PATJ: variants seen among roughly 807,000 people sequenced by gnomAD.
PATJ encodes PATJ crumbs cell polarity complex component, also known as inaD-like protein.
Under a neutral mutation model 224.9 loss-of-function variants are expected in PATJ, and 190 were observed. That is an observed-to-expected ratio of 0.84 (90% CI 0.75 to 0.95). The LOEUF is 0.95. Among genes scored for constraint, PATJ ranks in the 40% least tolerant of loss-of-function variants. PATJ has a pLI of 0.00. For synonymous variants in PATJ, 769 were observed against 820.3 expected (o/e 0.94, Z 1.07); for missense variants, 2,121 against 2,270.3 (o/e 0.93, Z 1.34).
chr1:61,825,943 A>C (rs563502064), intron 15 of PATJ, among the ~76,000 whole-genome samples: 9 of 152,278 alleles, frequency 5.9e-5, no homozygotes, highest in South Asian at 4.2e-4. Flanking sequence ...ACCAGTTGAA[A>C]TCATGGATAC....
chr1:62,073,002 T>C, intron 31 of PATJ: 1 of 982,650 alleles, frequency 1.0e-6, no homozygotes, highest in Non-Finnish European at 1.2e-6. Context: ...GCTAATTGGT[T>C]GTGTCTTTTA....
intron 27 of PATJ, among the ~76,000 whole-genome samples, chr1:61,971,913 C>CG (rs1343040282): frequency 6.6e-6 from 1 of 150,414 alleles, no homozygotes; most frequent in Non-Finnish European, 1.5e-5. Flanking sequence ...CACTTGAACA[C>CG]GGGAGGTTGA....
chr1:61,871,459 A>ATATATATGTATATACATATATATGTG lies in PATJ; in HGVS notation c.2836-3769_2836-3744dup, dbSNP rs1666487064. Among the ~76,000 whole-genome samples the ATATATATGTATATACATATATATGTG allele has an allele frequency of 1.6e-4, 9 of 56,000 alleles. No homozygotes were observed. In the South Asian group the frequency reaches 3.7e-3, roughly 23 times the overall value. The allele number at this position is 56,000 out of a possible 152,430, so 36.7% of individuals were successfully genotyped here. A position where few individuals can be genotyped will look rare whatever the true frequency, so the allele number is the denominator to read the frequency against. ...TGTGTATATACACATATATATGCGTATATATATGTATATACATATATATGT... is the reference window on the plus strand; with the variant it reads ...TGTGTATATACACATATATATGCGTATATATATGTATATACATATATATGTGTATATATGTATATACATATATATGT... On this transcript the variant is annotated intron_variant, in intron 20 of 43. Transcript: ENST00000642238.
At chr1:62,059,343 C>G (rs1445162262) in intron 31 of PATJ, among the ~76,000 whole-genome samples, 9 of 151,932 alleles carry the variant, frequency 5.9e-5, no homozygotes, top group Non-Finnish European at 1.0e-4. Context: ...TCGGTTAGGC[C>G]CAGCATGGTT....
At chr1:61,800,763 T>C (rs1224232911) in intron 11 of PATJ, among the ~76,000 whole-genome samples, 3 of 152,052 alleles carry the variant, frequency 2.0e-5, no homozygotes, top group Non-Finnish European at 4.4e-5. Context: ...CGGTGTGTGA[T>C]GTTCCCCACC....
At position 62,121,276 on chromosome 1, in the gene PATJ, T is replaced by G. The variant is rs746584689; in HGVS notation, c.4986T>G (p.Asp1662Glu). 1 of 1,612,642 alleles carries G rather than the reference T, an allele frequency of 6.2e-7. No individual in the cohort carries two copies. The highest frequency in any genetic ancestry group is 1.7e-5 in the Admixed American group (1 of 59,914). The stretch of plus-strand genomic sequence containing the variant: ...TGGTTGGCACAAAAAGAGTTTCAGA[T>G]CCTTCCCAGAAAAATTCAGGTATTA... ...QNLVGTKRVS[D>E]PSQKNSGTDM... Residue 1662 changes from aspartate to glutamate, a missense_variant, in exon 38 of 44, where the codon GAT (aspartate) becomes GAG (glutamate). Transcript: ENST00000642238.
At position 61,876,825 on chromosome 1, in the gene PATJ, G is replaced by C. The variant is rs540035545; in HGVS notation, c.2959+1459G>C. Reference sequence around the variant, plus strand: ...TTAGAAATCATTGTTGAGAACCCCTGTGTAAAGAGATATTCTTGACCTTTT... The same window carrying C: ...TTAGAAATCATTGTTGAGAACCCCTCTGTAAAGAGATATTCTTGACCTTTT... On this transcript the variant is annotated intron_variant, in intron 21 of 43. Transcript: ENST00000642238. Among the ~76,000 whole-genome samples, 14 of 152,248 alleles carry C rather than the reference G, an allele frequency of 9.2e-5. 1 individual carries two copies. Among genetic ancestry groups the C allele is most frequent in the Admixed American group, 5.2e-4 (8 of 15,294 alleles).
At chr1:62,160,792 A>G (rs924738334) in intron 43 of PATJ, 116 bp from the exon 44 acceptor site, 53 of 1,045,246 alleles carry the variant, frequency 5.1e-5, no homozygotes, top group Non-Finnish European at 6.4e-5. Context: ...CTTAATTGGT[A>G]GTTTTTAAAG....
intron 3 of PATJ, among the ~76,000 whole-genome samples, chr1:61,764,167 T>C (rs1346316954): frequency 6.6e-6 from 1 of 152,150 alleles, no homozygotes. Flanking sequence ...CGAAGTCTTT[T>C]ATCTAACAAG....
intron 28 of PATJ, among the ~76,000 whole-genome samples, chr1:62,010,301 T>C (rs67867258): frequency 0.099 from 14,758 of 148,436 alleles, 1,456 homozygotes; most frequent in East Asian, 0.4. Context: ...AGAGTTGTTA[T>C]CAGCTTCTCC....
intron 32 of PATJ, among the ~76,000 whole-genome samples, chr1:62,080,244 C>T (rs1404771182): frequency 6.6e-6 from 1 of 152,180 alleles, no homozygotes. Flanking sequence ...TTGGCATGCA[C>T]ATTCTGTCTT....
At chr1:61,983,426 G>A (rs1235783375) in intron 27 of PATJ, among the ~76,000 whole-genome samples, 1 of 152,022 alleles carries the variant, frequency 6.6e-6, no homozygotes, top group Non-Finnish European at 1.5e-5. Context: ...AAGATAATGT[G>A]CACGTAGTAA....
rs756403600 is a variant in PATJ at position 61,833,684 on chromosome 1, G to A, written c.2011G>A (p.Glu671Lys). ...CCACAATATGGATGTCAATACTGAA[G>A]AAGATGATGATGGGGAATTAGCACT... is the stretch of plus-strand genomic sequence containing the variant. Reference protein sequence around the residue: ...VDHNMDVNTEEDDDGELALWS... With the variant: ...VDHNMDVNTEKDDDGELALWS... The change falls in exon 17 of 44, where the codon GAA becomes AAA. Residue 671 changes from glutamate to lysine, a missense_variant. Coordinates refer to ENST00000642238, the MANE Select transcript of PATJ (RefSeq NM_001350145.3). 1.9e-6 allele frequency: 3 copies of A among 1,613,376 alleles called. No individual in the cohort carries two copies. In the Admixed American group the frequency reaches 5.0e-5, roughly 27 times the overall value.
At chr1:61,815,398 G>A (rs1416965052) in intron 14 of PATJ, among the ~76,000 whole-genome samples, 1 of 152,184 alleles carries the variant, frequency 6.6e-6, no homozygotes, top group Non-Finnish European at 1.5e-5. Flanking sequence ...AACACCAGTG[G>A]GAGGTTTTGA....
At chr1:61,893,620 A>T (rs1233969247) in intron 22 of PATJ, among the ~76,000 whole-genome samples, 2 of 151,350 alleles carry the variant, frequency 1.3e-5, no homozygotes, top group African/African-American at 4.9e-5. Context: ...GGGCAACATA[A>T]TGAGACCCCG....
chr1:62,102,232 C>T (rs956983493), intron 33 of PATJ, among the ~76,000 whole-genome samples: 4 of 151,882 alleles, frequency 2.6e-5, no homozygotes, highest in African/African-American at 9.7e-5. Flanking sequence ...AAGGAAATCA[C>T]TGGTCTTGTC....
chr1:61,868,087 T>TA (rs1392351028), intron 20 of PATJ, among the ~76,000 whole-genome samples: 1 of 152,240 alleles, frequency 6.6e-6, no homozygotes, highest in African/African-American at 2.4e-5. Context: ...TACTTCACTT[T>TA]AGCTGAAGAG....
At chr1:61,789,262 C>T (rs1024839707) in intron 8 of PATJ, among the ~76,000 whole-genome samples, 3 of 151,382 alleles carry the variant, frequency 2.0e-5, no homozygotes, top group Non-Finnish European at 2.9e-5. Flanking sequence ...GCTGAGATTG[C>T]ACCACTGCAC....
intron 27 of PATJ, among the ~76,000 whole-genome samples, chr1:61,953,835 G>A (rs542833331): frequency 1.2e-4 from 18 of 152,234 alleles, no homozygotes; most frequent in Non-Finnish European, 1.8e-4. Context: ...AATCTCCTGA[G>A]TATAACTGGC....
Sources: allele counts gnomAD v4.1 joint callset (sites outside exome capture counted in the v4.1 genomes callset), GRCh38; gene constraint gnomAD v4.1.1; transcripts MANE v1.5; gene names NCBI Gene and HGNC (gene_info 2026-07-23, HGNC 2026-07-21).